Variants in GDI2 observed in about 807,000 individuals in gnomAD.
GDI2 encodes GDP dissociation inhibitor 2.
In GDI2, 22 loss-of-function variants were observed where a neutral mutation model predicts 54.2. That is an observed-to-expected ratio of 0.41 (90% CI 0.29 to 0.58). GDI2 has a LOEUF of 0.58. Ranked by LOEUF, GDI2 falls within the 20% of genes least tolerant of loss-of-function variation. GDI2 has a pLI of 0.35. For missense variants in GDI2, 422 were observed against 546.0 expected, an observed-to-expected ratio of 0.77 and a Z score of 2.26; for synonymous variants, 177 against 182.1, an observed-to-expected ratio of 0.97 and a Z score of 0.23.
At chr10:5,808,280 A>G (rs1379625648) in intron 1 of GDI2, among the ~76,000 whole-genome samples, 1 of 152,144 alleles carries the variant, frequency 6.6e-6, no homozygotes, top group East Asian at 1.9e-4. Flanking sequence ...AGCTGTGATC[A>G]CACAACTGCA....
chr10:5,776,374 A>C lies in GDI2; in HGVS notation c.720-2433T>G. 1 of 704,840 alleles carries C rather than the reference A, an allele frequency of 1.4e-6. No homozygotes were observed. The highest frequency in any genetic ancestry group is 2.6e-5 in the East Asian group (1 of 38,692). 43.7% of individuals were successfully genotyped at this position (704,840 alleles called of 1,614,324 possible). ...GAGAGCCAGAGCCCCCTTTCTCAGA[A>C]GCACAGCCCTTTCACAGAGAAATGC... On this transcript the variant is annotated intron_variant, in intron 6 of 10. Transcript: ENST00000380191. The surrounding 1 kb of genome is among the most constrained non-coding windows in gnomAD (Gnocchi z 5.3).
chr10:5,790,452 T>C (rs1840986378), intron 4 of GDI2, among the ~76,000 whole-genome samples: 1 of 151,358 alleles, frequency 6.6e-6, no homozygotes, highest in Admixed American at 6.9e-5. Context: ...AAGACCAGCC[T>C]GACCAACACG....
intron 4 of GDI2, among the ~76,000 whole-genome samples, chr10:5,787,557 A>T (rs1369201436): frequency 6.6e-6 from 1 of 152,228 alleles, no homozygotes; most frequent in African/African-American, 2.4e-5. Flanking sequence ...ACTACATTTA[A>T]TTTTTTAAAA....
At chr10:5,797,437 C>T (rs1046764009) in intron 2 of GDI2, among the ~76,000 whole-genome samples, 2 of 148,202 alleles carry the variant, frequency 1.3e-5, no homozygotes, top group African/African-American at 5.0e-5. Flanking sequence ...CCCAGCTACT[C>T]GGGAGGCTGA....
intron 6 of GDI2, 146 bp downstream of exon 6, chr10:5,784,993 CATT>C (rs139659767): frequency 0.2 from 99,375 of 497,874 alleles, 10,558 homozygotes; most frequent in Admixed American, 0.24. Flanking sequence ...CCATGCATAT[CATT>C]ATATGTTAAT....
At position 5,765,999 on chromosome 10, in the gene GDI2, A is replaced by G; in HGVS notation, c.*7T>C. Reference sequence around the variant, plus strand: ...GTGTCCTAATTACATAATAACATGTACTGCTGTTAGTCTTCCCCATAGATG... The same window carrying G: ...GTGTCCTAATTACATAATAACATGTGCTGCTGTTAGTCTTCCCCATAGATG... On this transcript the variant is annotated 3_prime_UTR_variant, in exon 11 of 11. Transcript: ENST00000380191. 1.3e-6 allele frequency: 2 copies of G among 1,569,548 alleles called. No individual in the cohort carries two copies. The highest frequency in any genetic ancestry group is 1.7e-6 in the Non-Finnish European group (2 of 1,163,918).
Position 5,765,229 on chromosome 10 carries a change from C to G in GDI2, c.*777G>C, listed in dbSNP as rs916203036. On this transcript the variant is annotated 3_prime_UTR_variant, in exon 11 of 11. Transcript: ENST00000380191. Reference sequence around the variant, plus strand: ...ACAAACCAACACCGGGCAGTAGTTTCCAGAATTTGGCTTTATTTTGCAGTA... The same window carrying G: ...ACAAACCAACACCGGGCAGTAGTTTGCAGAATTTGGCTTTATTTTGCAGTA... The G allele has an allele frequency of 1.3e-5, 2 of 152,666 alleles. No individual in the cohort carries two copies. The highest frequency in any genetic ancestry group is 2.4e-5 in the African/African-American group (1 of 41,454). 9.5% of individuals were successfully genotyped at this position (152,666 alleles called of 1,614,324 possible).
chr10:5,804,905 C>T (rs763889638), intron 1 of GDI2, among the ~76,000 whole-genome samples: 16 of 151,794 alleles, frequency 1.1e-4, no homozygotes, highest in Non-Finnish European at 2.2e-4. Flanking sequence ...ACGATCTCAG[C>T]TCACCACAAC....
intron 1 of GDI2, among the ~76,000 whole-genome samples, chr10:5,802,606 A>G (rs1305218257): frequency 2.0e-5 from 3 of 152,166 alleles, no homozygotes; most frequent in African/African-American, 4.8e-5. Flanking sequence ...TCAAAAAAAA[A>G]AAAAGAATTA....
At chr10:5,778,044 C>T (rs1273581500) in intron 6 of GDI2, among the ~76,000 whole-genome samples, 1 of 152,084 alleles carries the variant, frequency 6.6e-6, no homozygotes, top group Non-Finnish European at 1.5e-5. Flanking sequence ...AACAGAAAAC[C>T]AAATACCGCA....
chr10:5,793,751 T>C (rs913842180), intron 4 of GDI2, among the ~76,000 whole-genome samples: 1 of 152,142 alleles, frequency 6.6e-6, no homozygotes, highest in African/African-American at 2.4e-5. Flanking sequence ...CTAAAACATC[T>C]TGAAGAACAA....
At chr10:5,782,962 C>A (rs989201606) in intron 6 of GDI2, among the ~76,000 whole-genome samples, 2 of 152,118 alleles carry the variant, frequency 1.3e-5, no homozygotes, top group African/African-American at 4.8e-5. Context: ...ACACATGCAT[C>A]AATATGGATG....
chr10:5,798,788 C>A (rs986871754), intron 2 of GDI2, among the ~76,000 whole-genome samples: 2 of 151,794 alleles, frequency 1.3e-5, no homozygotes, highest in Admixed American at 6.6e-5. Flanking sequence ...GCATGGCCAA[C>A]AAGAAGAAAT....
At chr10:5,779,677 A>G (rs1229835496) in intron 6 of GDI2, among the ~76,000 whole-genome samples, 1 of 144,404 alleles carries the variant, frequency 6.9e-6, no homozygotes, top group East Asian at 2.0e-4. Context: ...GAGAGGGGGA[A>G]AAAAAAAAGT....
chr10:5,781,745 G>C (rs554069330), intron 6 of GDI2, among the ~76,000 whole-genome samples: 4 of 152,196 alleles, frequency 2.6e-5, no homozygotes, highest in South Asian at 4.1e-4. Context: ...CAGGCACTGT[G>C]GCTCCTGCCT....
At chr10:5,806,829 C>T (rs1841389358) in intron 1 of GDI2, among the ~76,000 whole-genome samples, 1 of 152,120 alleles carries the variant, frequency 6.6e-6, no homozygotes, top group African/African-American at 2.4e-5. Flanking sequence ...TCCCAGCTGA[C>T]AAAAGTAGAC....
At chr10:5,790,435 G>A (rs1173835905) in intron 4 of GDI2, among the ~76,000 whole-genome samples, 3 of 152,096 alleles carry the variant, frequency 2.0e-5, no homozygotes, top group African/African-American at 7.2e-5. Context: ...CCTGAAATCA[G>A]AAGTTCAAGA....
At position 5,768,382 on chromosome 10, in the gene GDI2, A is replaced by T. The variant is rs778536941; in HGVS notation, c.822T>A (p.Ile274=). Residue 274 remains isoleucine, a splice_region_variant and synonymous_variant, in exon 8 of 11, where the codon ATT becomes ATA. Transcript: ENST00000380191. The surrounding 1 kb of genome is among the most constrained non-coding windows in gnomAD (Gnocchi z 4.4). ...CACAGATGAGCTGCTTACAGCGAGC[A>T]ATCTATAACAAAGCATTTAAGAAGA... ...KVIGVKSEGE[I]ARCKQLICDP... 2 of 1,606,266 alleles carry T rather than the reference A, an allele frequency of 1.2e-6. No individual in the cohort carries two copies. The highest frequency in any genetic ancestry group is 2.2e-5 in the South Asian group (2 of 90,914).
intron 4 of GDI2, among the ~76,000 whole-genome samples, chr10:5,790,985 C>G (rs1840998308): frequency 6.6e-6 from 1 of 152,072 alleles, no homozygotes; most frequent in Admixed American, 6.6e-5. Flanking sequence ...AGCAAGACCC[C>G]ATTTATACAA....
Sources: allele counts gnomAD v4.1 joint callset (sites outside exome capture counted in the v4.1 genomes callset), GRCh38; gene constraint gnomAD v4.1.1; non-coding constraint Gnocchi (gnomAD v3.1); transcripts MANE v1.5; gene names NCBI Gene and HGNC (gene_info 2026-07-23, HGNC 2026-07-21).